Variants in KIRREL3 observed in about 807,000 individuals in gnomAD.
The protein encoded by KIRREL3 is kirre like nephrin family adhesion molecule 3, also known as kin of IRRE-like protein 3.
Under a neutral mutation model 89.7 loss-of-function variants are expected in KIRREL3, and 36 were observed. The observed-to-expected ratio is 0.40, with a 90% CI of 0.31 to 0.53. The LOEUF (loss-of-function observed/expected upper bound fraction) is 0.53, where lower values mean the gene tolerates loss of function less well. Ranked by LOEUF, KIRREL3 falls within the 20% of genes least tolerant of loss-of-function variation. KIRREL3 has a pLI of 0.49. For missense variants in KIRREL3, 864 were observed against 1,056.6 expected, an observed-to-expected ratio of 0.82 and a Z score of 2.53; for synonymous variants, 445 against 441.4, an observed-to-expected ratio of 1.01 and a Z score of -0.10.
At position 126,621,725 on chromosome 11, in the gene KIRREL3, T is replaced by C. The variant is rs145300713; in HGVS notation, c.56-58813A>G. On this transcript the variant is annotated intron_variant, in intron 1 of 16. Transcript: ENST00000525144. ...ATCTATTATAGTTTTACTAGAACAT[T>C]GTTTTCTTGGAATTCCAAGGCTTTA... is the stretch of plus-strand genomic sequence containing the variant. Among the ~76,000 whole-genome samples, 119 of 152,298 alleles carry C rather than the reference T, an allele frequency of 7.8e-4. 7 individuals carry two copies. The East Asian group carries it at 0.018, about 23-fold the overall frequency.
rs1591451878 is a variant in KIRREL3, at chr11:127,000,615, G to A, written c.-106C>T. On this transcript the variant is annotated 5_prime_UTR_variant, in exon 1 of 17. Coordinates refer to ENST00000525144, the MANE Select transcript of KIRREL3 (RefSeq NM_032531.4). This position sits in a 1 kb window ranked among gnomAD's most constrained non-coding sequence, Gnocchi z 7.1. ...CCTCCGCCGGTCCTCTCGGGTTCGC[G>A]CCTACCATCTGTCCGTCCGTGGGTC... 2 of 1,191,370 alleles carry A rather than the reference G, an allele frequency of 1.7e-6. No individual in the cohort carries two copies. Among genetic ancestry groups the A allele is most frequent in the Non-Finnish European group, 2.4e-6 (2 of 836,808 alleles). The allele number at this position is 1,191,370 out of a possible 1,614,324, so 73.8% of individuals were successfully genotyped here.
chr11:126,623,963 C>T lies in KIRREL3; in HGVS notation c.56-61051G>A, dbSNP rs1943676633. 6.6e-6 allele frequency among the ~76,000 whole-genome samples: 1 copy of T among 152,104 alleles called. No homozygotes were observed. On this transcript the variant is annotated intron_variant, in intron 1 of 16. Coordinates refer to ENST00000525144, the MANE Select transcript of KIRREL3 (RefSeq NM_032531.4). This position sits in a 1 kb window ranked among gnomAD's most constrained non-coding sequence, Gnocchi z 4.1. ...AGTTTTGTGAATTCTGTGAATTACC[C>T]TTGAACTGGTCAGAAAGATCCAACA...
rs58257040 is a variant in KIRREL3, at chr11:126,689,042, A to AAGAGAGAGAGAG, written c.56-126142_56-126131dup. ...ATGTGTGTGTGTGTAAGGGGGAGAG[A>AAGAGAGAGAGAG]AGAGAGAGAGAGAGAGAGAGAGAGA... On this transcript the variant is annotated intron_variant, in intron 1 of 16. Transcript: ENST00000525144. This position sits in a 1 kb window ranked among gnomAD's most constrained non-coding sequence, Gnocchi z 5.2. Among the ~76,000 whole-genome samples the AAGAGAGAGAGAG allele has an allele frequency of 1.9e-3, 244 of 129,804 alleles. No homozygotes were observed. The highest frequency in any genetic ancestry group is 5.8e-3 in the African/African-American group (194 of 33,420). 85.2% of individuals were successfully genotyped at this position (129,804 alleles called of 152,430 possible). A position where few individuals can be genotyped will look rare whatever the true frequency, so the allele number is the denominator to read the frequency against.
At chr11:126,504,389 G>A (rs1384366480) in intron 4 of KIRREL3, among the ~76,000 whole-genome samples, 4 of 152,150 alleles carry the variant, frequency 2.6e-5, no homozygotes, top group Admixed American at 1.3e-4. Flanking sequence ...ACCCTTCCAT[G>A]AGTGATTTTC....
rs1333727414 is a variant in KIRREL3 at position 126,607,415 on chromosome 11, G to C, written c.56-44503C>G. Among the ~76,000 whole-genome samples, 6 of 152,134 alleles carry C rather than the reference G, an allele frequency of 3.9e-5. No homozygotes were observed. Among genetic ancestry groups the C allele is most frequent in the Middle Eastern group, 3.2e-3 (1 of 316 alleles). On this transcript the variant is annotated intron_variant, in intron 1 of 16. Coordinates refer to ENST00000525144, the MANE Select transcript of KIRREL3 (RefSeq NM_032531.4). This position sits in a 1 kb window ranked among gnomAD's most constrained non-coding sequence, Gnocchi z 6.6. ...GGGCTGGAGGAGAGATCAGGAAGGA[G>C]AGATCCACATCTGGCTCCGAGCTGA...
rs565101776 is a variant in KIRREL3 at position 126,924,558 on chromosome 11, T to G, written c.55+75897A>C. Among the ~76,000 whole-genome samples, 2 of 152,334 alleles carry G rather than the reference T, an allele frequency of 1.3e-5. No homozygotes were observed. The highest frequency in any genetic ancestry group is 3.9e-4 in the East Asian group (2 of 5,190). On this transcript the variant is annotated intron_variant, in intron 1 of 16. Transcript: ENST00000525144. This position sits in a 1 kb window ranked among gnomAD's most constrained non-coding sequence, Gnocchi z 4.7. ...GGCTTCACACACCCGACCCACAGAC[T>G]GCGCTTCAGCTGCTGCTGACTCCCT...
chr11:126,916,130 G>T (rs1251547164), intron 1 of KIRREL3, among the ~76,000 whole-genome samples: 1 of 152,186 alleles, frequency 6.6e-6, no homozygotes, highest in Non-Finnish European at 1.5e-5. Context: ...CCCTGAATGA[G>T]TAGCAAAGGT....
At position 126,805,454 on chromosome 11, in the gene KIRREL3, C is replaced by A. The variant is rs1951174568; in HGVS notation, c.55+195001G>T. On this transcript the variant is annotated intron_variant, in intron 1 of 16. Coordinates refer to ENST00000525144, the MANE Select transcript of KIRREL3 (RefSeq NM_032531.4). The surrounding 1 kb of genome is among the most constrained non-coding windows in gnomAD (Gnocchi z 4.3). ...AGACAGTTTCCCACACAAGCCTCAG[C>A]CCATCTCATCTGGTTTTGTTCTGAA... 6.6e-6 allele frequency among the ~76,000 whole-genome samples: 1 copy of A among 152,170 alleles called. No homozygotes were observed. The highest frequency in any genetic ancestry group is 2.1e-4 in the South Asian group (1 of 4,824).
At position 126,970,921 on chromosome 11, in the gene KIRREL3, TG is replaced by T. The variant is rs1305076396; in HGVS notation, c.55+29533del. Among the ~76,000 whole-genome samples the T allele has an allele frequency of 6.6e-6, 1 of 152,150 alleles. No homozygotes were observed. The highest frequency in any genetic ancestry group is 2.4e-5 in the African/African-American group (1 of 41,438). Reference sequence around the variant, plus strand: ...AACCACAAACAGAAGCACATGGCGGTGCTATGGCTTCTCCCCCACCCACCAG... The same window carrying T: ...AACCACAAACAGAAGCACATGGCGGTCTATGGCTTCTCCCCCACCCACCAG... On this transcript the variant is annotated intron_variant, in intron 1 of 16. Coordinates refer to ENST00000525144, the MANE Select transcript of KIRREL3 (RefSeq NM_032531.4). This position sits in a 1 kb window ranked among gnomAD's most constrained non-coding sequence, Gnocchi z 4.4.
At chr11:126,540,162 G>C (rs926913300) in intron 2 of KIRREL3, among the ~76,000 whole-genome samples, 1 of 152,138 alleles carries the variant, frequency 6.6e-6, no homozygotes, top group South Asian at 2.1e-4. Context: ...ATTTCTACTG[G>C]GAGAGAGACA....
At chr11:126,966,824 A>G (rs1286153311) in intron 1 of KIRREL3, among the ~76,000 whole-genome samples, 1 of 152,224 alleles carries the variant, frequency 6.6e-6, no homozygotes, top group African/African-American at 2.4e-5. Context: ...TCAGGAAGAT[A>G]ATAAACCTAA....
In KIRREL3 at chr11:126,551,375, C is replaced by T. The variant is rs181559037; in HGVS notation, c.133+11460G>A. ...AGGGCCGGAGAGAGATCCTGTTTCC[C>T]GAGGCCTGCCCCTGAGGCCTAACAC... On this transcript the variant is annotated intron_variant, in intron 2 of 16. Transcript: ENST00000525144. The surrounding 1 kb of genome is among the most constrained non-coding windows in gnomAD (Gnocchi z 4.9). Among the ~76,000 whole-genome samples the T allele has an allele frequency of 1.6e-4, 24 of 152,232 alleles. 1 individual carries two copies. Among genetic ancestry groups the T allele is most frequent in the Admixed American group, 2.6e-4 (4 of 15,300 alleles).
Position 126,530,620 on chromosome 11 carries a change from C to T in KIRREL3, c.134-3933G>A, listed in dbSNP as rs1055017774. On this transcript the variant is annotated intron_variant, in intron 2 of 16. Transcript: ENST00000525144. The surrounding 1 kb of genome is among the most constrained non-coding windows in gnomAD (Gnocchi z 5.8). The stretch of plus-strand genomic sequence containing the variant: ...ACCCCTCCAGGAGCTCGCAGCTGTG[C>T]CCCCTCCCCATCACACCTGGGCGTC... Among the ~76,000 whole-genome samples, 2 of 152,102 alleles carry T rather than the reference C, an allele frequency of 1.3e-5. No individual in the cohort carries two copies. Among genetic ancestry groups the T allele is most frequent in the Non-Finnish European group, 2.9e-5 (2 of 68,024 alleles).
intron 1 of KIRREL3, among the ~76,000 whole-genome samples, chr11:126,871,159 G>A (rs530238425): frequency 6.6e-6 from 1 of 152,184 alleles, no homozygotes; most frequent in African/African-American, 2.4e-5. Context: ...AAAGCATGCC[G>A]AGGACACTGC....
At chr11:126,826,615 T>C (rs1029614641) in intron 1 of KIRREL3, among the ~76,000 whole-genome samples, 1 of 152,110 alleles carries the variant, frequency 6.6e-6, no homozygotes, top group Non-Finnish European at 1.5e-5. Flanking sequence ...GGCTAAGAAG[T>C]TTTGGGAAAT....
At chr11:126,923,329 CT>C (rs1947542149) in intron 1 of KIRREL3, among the ~76,000 whole-genome samples, 1 of 139,658 alleles carries the variant, frequency 7.2e-6, no homozygotes, top group Non-Finnish European at 1.5e-5. Flanking sequence ...CCTTCTTCTT[CT>C]TCCTTCTCCT....
chr11:126,626,084 G>T (rs1277407762), intron 1 of KIRREL3, among the ~76,000 whole-genome samples: 1 of 152,212 alleles, frequency 6.6e-6, no homozygotes, highest in African/African-American at 2.4e-5. Context: ...CCCTGCTGGG[G>T]TAGGGACTAT....
chr11:126,830,630 G>T lies in KIRREL3; in HGVS notation c.55+169825C>A, dbSNP rs1184150561. Among the ~76,000 whole-genome samples the T allele has an allele frequency of 6.6e-6, 1 of 152,152 alleles. No individual in the cohort carries two copies. Among genetic ancestry groups the T allele is most frequent in the African/African-American group, 2.4e-5 (1 of 41,428 alleles). Reference sequence around the variant, plus strand: ...CGGCTGTTAAGAGCCAGCTAAGCAGGGATTGGACAGGCAGGCACTTAGGAA... The same window carrying T: ...CGGCTGTTAAGAGCCAGCTAAGCAGTGATTGGACAGGCAGGCACTTAGGAA... On this transcript the variant is annotated intron_variant, in intron 1 of 16. Transcript: ENST00000525144. The surrounding 1 kb of genome is among the most constrained non-coding windows in gnomAD (Gnocchi z 4.9).
At chr11:126,695,220 G>A (rs1947041684) in intron 1 of KIRREL3, among the ~76,000 whole-genome samples, 1 of 152,038 alleles carries the variant, frequency 6.6e-6, no homozygotes, top group Non-Finnish European at 1.5e-5. Flanking sequence ...GTATTTTGGG[G>A]TTCTCTTATC....
Sources: allele counts gnomAD v4.1 joint callset (sites outside exome capture counted in the v4.1 genomes callset), GRCh38; gene constraint gnomAD v4.1.1; non-coding constraint Gnocchi (gnomAD v3.1); transcripts MANE v1.5; gene names NCBI Gene and HGNC (gene_info 2026-07-23, HGNC 2026-07-21).